The following DIAPH1 variants were observed in gnomAD, a reference collection of about 807,000 sequenced individuals.
DIAPH1 encodes the protein protein diaphanous homolog 1.
In DIAPH1, 46 loss-of-function variants were observed where a neutral mutation model predicts 140.7. The ratio of observed to expected loss-of-function variants is 0.33; its 90% CI spans 0.26 to 0.42. DIAPH1 has a LOEUF of 0.42. DIAPH1 is among the 10% of genes least tolerant of loss of function. DIAPH1 has a pLI of 1.00. For missense variants in DIAPH1, 1,310 were observed against 1,558.7 expected (o/e 0.84, Z 2.69); for synonymous variants, 565 against 551.6 (o/e 1.02, Z -0.34).
In DIAPH1 at chr5:141,529,146, C is replaced by G. The variant is rs199830153; in HGVS notation, c.2778+26G>C. 2.7e-5 allele frequency: 43 copies of G among 1,604,858 alleles called. No individual in the cohort carries two copies. In the Admixed American group the frequency reaches 3.7e-4, roughly 14 times the overall value. On this transcript the variant is annotated intron_variant, in intron 21 of 27. Transcript: ENST00000389054. ...GAGGGGAATACAGGAGGTGGAAAAC[C>G]GCTTACTGCCACAGGCCTCACTCAC...
chr5:141,528,365 C>T (rs2099887705), intron 23 of DIAPH1, 88 bp downstream of exon 23: 4 of 1,582,762 alleles, frequency 2.5e-6, no homozygotes, highest in Non-Finnish European at 3.5e-6. Context: ...ATAGTCTGAA[C>T]TGAAAATGCT....
At chr5:141,610,426 G>A (rs1004296677) in intron 1 of DIAPH1, among the ~76,000 whole-genome samples, 13 of 152,050 alleles carry the variant, frequency 8.5e-5, no homozygotes, top group East Asian at 3.9e-4. Flanking sequence ...TCAGCCTCCC[G>A]AGTAGCTGGG....
chr5:141,571,023 CAG>C (rs773140659), intron 18 of DIAPH1, among the ~76,000 whole-genome samples: 1 of 152,174 alleles, frequency 6.6e-6, no homozygotes, highest in East Asian at 1.9e-4. Context: ...CCTAACTGTT[CAG>C]AGTCTATATA....
intron 1 of DIAPH1, among the ~76,000 whole-genome samples, chr5:141,593,771 C>G (rs565558643): frequency 6.6e-6 from 1 of 152,210 alleles, no homozygotes; most frequent in East Asian, 1.9e-4. Flanking sequence ...CCAAAATCCA[C>G]AACACGGATG....
intron 1 of DIAPH1, among the ~76,000 whole-genome samples, chr5:141,597,004 TA>T (rs1384023354): frequency 2.2e-4 from 34 of 151,914 alleles, no homozygotes; most frequent in African/African-American, 8.2e-4. Flanking sequence ...GAAAACTCAA[TA>T]AAAGGACTGG....
At chr5:141,613,772 G>T (rs889056792) in intron 1 of DIAPH1, among the ~76,000 whole-genome samples, 1 of 151,860 alleles carries the variant, frequency 6.6e-6, no homozygotes, top group African/African-American at 2.4e-5. Flanking sequence ...CCTAAGAAAC[G>T]TGTTAAAAAA....
chr5:141,596,119 G>A (rs775814108), intron 1 of DIAPH1, among the ~76,000 whole-genome samples: 1 of 152,176 alleles, frequency 6.6e-6, no homozygotes, highest in African/African-American at 2.4e-5. Context: ...TGCGAGGTCA[G>A]GAGATCGAGA....
chr5:141,584,170 A>G lies in DIAPH1; in HGVS notation c.356T>C (p.Ile119Thr). 3 of 1,613,486 alleles carry G rather than the reference A, an allele frequency of 1.9e-6. No individual in the cohort carries two copies. Among genetic ancestry groups the G allele is most frequent in the Non-Finnish European group, 2.5e-6 (3 of 1,179,562 alleles). ...TTGGGACACCATCTCCCTCTTGATGATGATGTCCTTCTCCCTCAAAGGTTG... is the reference window on the plus strand; with the variant it reads ...TTGGGACACCATCTCCCTCTTGATGGTGATGTCCTTCTCCCTCAAAGGTTG... The part of the protein sequence containing the change: ...KQQPLREKDI[I>T]IKREMVSQYL... Residue 119 changes from isoleucine (I) to threonine (T), a missense_variant, in exon 4 of 28, where the codon ATC becomes ACC. Transcript: ENST00000389054.
chr5:141,573,878 G>A lies in DIAPH1; in HGVS notation c.1972C>T (p.Pro658Ser). 6.5e-7 allele frequency: 1 copy of A among 1,540,692 alleles called. No individual in the cohort carries two copies. Among genetic ancestry groups the A allele is most frequent in the Non-Finnish European group, 8.8e-7 (1 of 1,142,362 alleles). Residue 658 changes from proline (P) to serine (S), a missense_variant, in exon 16 of 28, where the codon CCT (proline) becomes TCT (serine). By Grantham distance (74) the Pro-to-Ser change is moderately conservative (BLOSUM62 -1). This residue lies in a region of DIAPH1 where 589 missense variants were observed against 549.3 expected (regional missense o/e 1.07). Transcript: ENST00000389054. ...DATIPPPPPL[P>S]EGVGIPSPSS... ...GGTGAAGGGATGCCAACACCCTCAG[G>A]CAAAGGAGGGGGTGGAGGGATGGTA...
chr5:141,608,529 G>A (rs1459049646), intron 1 of DIAPH1, among the ~76,000 whole-genome samples: 2 of 152,154 alleles, frequency 1.3e-5, no homozygotes, highest in Non-Finnish European at 2.9e-5. Context: ...TTCTTAAAGA[G>A]CAAGAACTGA....
At chr5:141,573,162 C>T (rs1226419644) in intron 16 of DIAPH1, among the ~76,000 whole-genome samples, 4 of 151,850 alleles carry the variant, frequency 2.6e-5, no homozygotes, top group East Asian at 1.9e-4. Flanking sequence ...GTGGGCCGGG[C>T]GCGGTGGCTC....
At chr5:141,567,833 C>T (rs927127635) in intron 18 of DIAPH1, among the ~76,000 whole-genome samples, 17 of 152,200 alleles carry the variant, frequency 1.1e-4, no homozygotes, top group African/African-American at 3.9e-4. Flanking sequence ...CTATCTGTTA[C>T]GGCTAACAGT....
At chr5:141,596,761 A>G (rs948725057) in intron 1 of DIAPH1, among the ~76,000 whole-genome samples, 1 of 152,212 alleles carries the variant, frequency 6.6e-6, no homozygotes, top group East Asian at 1.9e-4. Context: ...CCACGCACCT[A>G]GAGTTTCCAA....
chr5:141,533,832 A>T (rs2099888606), intron 19 of DIAPH1, among the ~76,000 whole-genome samples: 2 of 152,156 alleles, frequency 1.3e-5, no homozygotes, highest in African/African-American at 4.8e-5. Flanking sequence ...TGAGCCCAGG[A>T]GTTTGAGACC....
intron 15 of DIAPH1, 36 bp from the exon 16 acceptor site, chr5:141,574,244 C>T (rs925919379): frequency 4.0e-5 from 64 of 1,604,230 alleles, no homozygotes; most frequent in Non-Finnish European, 5.0e-5. Context: ...ACTTCTCACC[C>T]CACTTCAGGG....
At chr5:141,602,480 G>A (rs570182219) in intron 1 of DIAPH1, among the ~76,000 whole-genome samples, 2 of 152,298 alleles carry the variant, frequency 1.3e-5, no homozygotes, top group African/African-American at 4.8e-5. Context: ...CTCCCAAAGT[G>A]CTGGGATTAC....
At chr5:141,614,630 A>G (rs2154597429) in intron 1 of DIAPH1, among the ~76,000 whole-genome samples, 1 of 152,312 alleles carries the variant, frequency 6.6e-6, no homozygotes, top group South Asian at 2.1e-4. Flanking sequence ...CCTGTGAGGG[A>G]GAATTTTCTT....
chr5:141,585,955 A>T (rs1168780356), intron 3 of DIAPH1, among the ~76,000 whole-genome samples: 1 of 152,204 alleles, frequency 6.6e-6, no homozygotes, highest in African/African-American at 2.4e-5. Context: ...ATTTTTTTAA[A>T]ATTACGGATT....
At chr5:141,519,062 T>C in intron 27 of DIAPH1, 1 of 1,423,222 alleles carries the variant, frequency 7.0e-7, no homozygotes, top group Non-Finnish European at 9.7e-7. Flanking sequence ...TAGTTACAGA[T>C]CATAGGTATG....
Sources: gnomAD v4.1 joint callset for allele counts (sites outside exome capture counted in the v4.1 genomes callset) on GRCh38, gnomAD v4.1.1 for gene constraint, gnomAD v4.1.1 regional missense constraint, MANE v1.5 for transcripts, NCBI Gene and HGNC (gene_info 2026-07-23, HGNC 2026-07-21) for gene names.